Variants in NLGN1 observed in about 807,000 individuals in gnomAD.
NLGN1 encodes neuroligin-1.
Under a neutral mutation model 65.5 loss-of-function variants are expected in NLGN1, and 12 were observed. The ratio of observed to expected loss-of-function variants is 0.18; its 90% CI spans 0.12 to 0.30. The LOEUF (loss-of-function observed/expected upper bound fraction) is 0.30, where lower values mean the gene tolerates loss of function less well. NLGN1 is among the 10% of genes least tolerant of loss of function. The pLI is 1.00. For missense variants in NLGN1, 750 were observed against 1,007.1 expected (o/e 0.74, Z 3.46); for synonymous variants, 350 against 359.5 (o/e 0.97, Z 0.30).
At chr3:173,540,535 C>G (rs1311424810) in intron 2 of NLGN1, among the ~76,000 whole-genome samples, 2 of 152,180 alleles carry the variant, frequency 1.3e-5, no homozygotes, top group Non-Finnish European at 2.9e-5. Context: ...CTCTTAAACC[C>G]TCCACCTGGA....
At chr3:174,278,590 A>G (rs1751018746) in intron 5 of NLGN1, among the ~76,000 whole-genome samples, 1 of 151,856 alleles carries the variant, frequency 6.6e-6, no homozygotes, top group Non-Finnish European at 1.5e-5. Flanking sequence ...TTACCACTAC[A>G]TCGTCTCCTT....
At chr3:173,695,739 C>G (rs559993861) in intron 3 of NLGN1, among the ~76,000 whole-genome samples, 1 of 152,232 alleles carries the variant, frequency 6.6e-6, no homozygotes, top group East Asian at 1.9e-4. Context: ...ACGATCACTT[C>G]TTGAAATAAA....
intron 2 of NLGN1, among the ~76,000 whole-genome samples, chr3:173,565,387 GGAA>G (rs2149311599): frequency 6.6e-6 from 1 of 152,310 alleles, no homozygotes; most frequent in South Asian, 2.1e-4. Flanking sequence ...ACCGGGATTT[GGAA>G]GTTGAGCAGC....
chr3:173,433,012 T>C (rs1358993438), intron 1 of NLGN1, among the ~76,000 whole-genome samples: 3 of 152,232 alleles, frequency 2.0e-5, no homozygotes, highest in Non-Finnish European at 2.9e-5. Context: ...TTAAAAATAA[T>C]GAGTTTGCAC....
intron 4 of NLGN1, among the ~76,000 whole-genome samples, chr3:174,257,398 A>G (rs1745993962): frequency 6.6e-6 from 1 of 152,196 alleles, no homozygotes; most frequent in Non-Finnish European, 1.5e-5. Flanking sequence ...CAACAATCCC[A>G]TTACTGGGTA....
intron 2 of NLGN1, among the ~76,000 whole-genome samples, chr3:173,454,817 T>C (rs1313834531): frequency 1.3e-5 from 2 of 152,236 alleles, no homozygotes; most frequent in Admixed American, 6.5e-5. Flanking sequence ...TTTGCTTTTT[T>C]ATCATTTGTG....
chr3:174,166,778 G>T (rs1460371338), intron 4 of NLGN1, among the ~76,000 whole-genome samples: 1 of 151,994 alleles, frequency 6.6e-6, no homozygotes, highest in East Asian at 1.9e-4. Flanking sequence ...CTGTCAGTGG[G>T]GTGTTGAAGT....
intron 1 of NLGN1, among the ~76,000 whole-genome samples, chr3:173,432,054 T>G (rs1717280447): frequency 6.6e-6 from 1 of 152,216 alleles, no homozygotes; most frequent in Admixed American, 6.6e-5. Flanking sequence ...TTTTCATGGC[T>G]TGATAGCTCA....
chr3:173,884,657 CTTTA>C (rs1299823930), intron 4 of NLGN1, among the ~76,000 whole-genome samples: 1 of 152,006 alleles, frequency 6.6e-6, no homozygotes, highest in Admixed American at 6.6e-5. Context: ...GGACTCTAGA[CTTTA>C]TTTATTTTCT....
intron 1 of NLGN1, among the ~76,000 whole-genome samples, chr3:173,431,627 T>C (rs1717176219): frequency 6.6e-6 from 1 of 152,152 alleles, no homozygotes; most frequent in Non-Finnish European, 1.5e-5. Context: ...ATTTCCCATA[T>C]ATGCCCTGCC....
chr3:173,693,087 A>C (rs1765707525), intron 3 of NLGN1, among the ~76,000 whole-genome samples: 1 of 152,144 alleles, frequency 6.6e-6, no homozygotes, highest in Non-Finnish European at 1.5e-5. Flanking sequence ...AACTAGAGTT[A>C]TAATAAGTTG....
At chr3:173,429,715 A>G (rs1716844551) in intron 1 of NLGN1, among the ~76,000 whole-genome samples, 1 of 152,154 alleles carries the variant, frequency 6.6e-6, no homozygotes, top group African/African-American at 2.4e-5. Flanking sequence ...TCTGCACTAG[A>G]TGACACCCTT....
intron 4 of NLGN1, among the ~76,000 whole-genome samples, chr3:173,839,435 T>G (rs1466391301): frequency 6.6e-6 from 1 of 151,904 alleles, no homozygotes; most frequent in Non-Finnish European, 1.5e-5. Context: ...TTTTTGTTTT[T>G]TTTTTTGAGA....
At chr3:173,561,751 A>G (rs116678434) in intron 2 of NLGN1, among the ~76,000 whole-genome samples, 2,685 of 152,322 alleles carry the variant, frequency 0.018, 37 homozygotes, top group Non-Finnish European at 0.028. Flanking sequence ...TTGAGTCCAT[A>G]TACCATATCA....
chr3:173,782,284 A>G (rs1165197851), intron 3 of NLGN1, among the ~76,000 whole-genome samples: 1 of 152,172 alleles, frequency 6.6e-6, no homozygotes, highest in East Asian at 1.9e-4. Flanking sequence ...ATAGGCACTC[A>G]GATGTTAATT....
At chr3:173,813,384 C>G (rs140803029) in intron 4 of NLGN1, among the ~76,000 whole-genome samples, 1 of 151,960 alleles carries the variant, frequency 6.6e-6, no homozygotes, top group Non-Finnish European at 1.5e-5. Flanking sequence ...AAATTTTATG[C>G]GATTGTAATA....
chr3:173,639,293 A>G (rs1757053732), intron 3 of NLGN1, among the ~76,000 whole-genome samples: 1 of 152,184 alleles, frequency 6.6e-6, no homozygotes, highest in Admixed American at 6.5e-5. Flanking sequence ...GGGATGTCTC[A>G]GTCTTGGAGG....
chr3:174,127,997 T>C (rs1318449542), intron 4 of NLGN1, among the ~76,000 whole-genome samples: 3 of 152,184 alleles, frequency 2.0e-5, no homozygotes, highest in African/African-American at 4.8e-5. Context: ...TTTGCCACTT[T>C]GTTCTGTCAT....
chr3:173,574,077 A>AG, intron 2 of NLGN1, among the ~76,000 whole-genome samples: 2 of 151,016 alleles, frequency 1.3e-5, no homozygotes, highest in East Asian at 1.9e-4. Context: ...AAAAAAAAAA[A>AG]AAAAAAGAAA....
Sources: allele counts gnomAD v4.1 joint callset (sites outside exome capture counted in the v4.1 genomes callset), GRCh38; gene constraint gnomAD v4.1.1; transcripts MANE v1.5; gene names NCBI Gene and HGNC (gene_info 2026-07-23, HGNC 2026-07-21).